The following SDK1 variants were observed in gnomAD, a reference collection of about 807,000 sequenced individuals.
SDK1 encodes the protein sidekick cell adhesion molecule 1, also known as protein sidekick-1.
Under a neutral mutation model 245.5 loss-of-function variants are expected in SDK1, and 157 were observed. The observed-to-expected ratio is 0.64, with a 90% CI of 0.56 to 0.73. The LOEUF is 0.73. SDK1 is among the 30% of genes least tolerant of loss of function. The probability of loss-of-function intolerance (pLI) is 0.00; values close to 1 mark genes in which losing one functional copy is unlikely to be tolerated. For synonymous variants in SDK1, 1,647 were observed against 1,278.5 expected, an observed-to-expected ratio of 1.29 and a Z score of -6.15; for missense variants, 3,583 against 3,002.3, an observed-to-expected ratio of 1.19 and a Z score of -4.52.
At chr7:4,028,786 G>A (rs1787562097) in intron 17 of SDK1, among the ~76,000 whole-genome samples, 1 of 152,154 alleles carries the variant, frequency 6.6e-6, no homozygotes, top group Admixed American at 6.5e-5. Context: ...TTAAACACGG[G>A]ATTTTGTTGT....
At chr7:3,811,116 A>G (rs1447009843) in intron 4 of SDK1, among the ~76,000 whole-genome samples, 1 of 152,248 alleles carries the variant, frequency 6.6e-6, no homozygotes, top group East Asian at 1.9e-4. Flanking sequence ...GACTTAGCGT[A>G]CATGGAATTT....
At chr7:3,382,156 A>G (rs1418117345) in intron 1 of SDK1, among the ~76,000 whole-genome samples, 2 of 151,354 alleles carry the variant, frequency 1.3e-5, no homozygotes, top group East Asian at 3.9e-4. Context: ...TTTTGTGTAG[A>G]GACAGGGTCT....
At chr7:3,557,711 G>A (rs146187587) in intron 1 of SDK1, among the ~76,000 whole-genome samples, 80 of 152,230 alleles carry the variant, frequency 5.3e-4, no homozygotes, top group African/African-American at 1.8e-3. Context: ...GAATCTCTTT[G>A]TATTACATCC....
chr7:3,857,788 T>G (rs925137605), intron 5 of SDK1, among the ~76,000 whole-genome samples: 1 of 152,196 alleles, frequency 6.6e-6, no homozygotes, highest in Non-Finnish European at 1.5e-5. Context: ...GGAAAAATTC[T>G]TTTTCCTGTT....
At chr7:3,968,623 AC>A (rs1294393185) in intron 10 of SDK1, among the ~76,000 whole-genome samples, 1 of 152,236 alleles carries the variant, frequency 6.6e-6, no homozygotes, top group Admixed American at 6.5e-5. Context: ...TATAAAGAAA[AC>A]TAAAAACCGA....
In SDK1 at chr7:3,315,646, T is replaced by G. The variant is rs147171653; in HGVS notation, c.298+13762T>G. On this transcript the variant is annotated intron_variant, in intron 1 of 44. Coordinates refer to ENST00000404826, the MANE Select transcript of SDK1 (RefSeq NM_152744.4). ...AATGTGCTTATCTCTGTTATAGGGA[T>G]TTCTCTTTTTTTCCTGAATGTTCTA... Among the ~76,000 whole-genome samples, 971 of 152,324 alleles carry G rather than the reference T, an allele frequency of 6.4e-3. 12 individuals carry two copies. The highest frequency in any genetic ancestry group is 0.022 in the African/African-American group (922 of 41,562).
chr7:4,112,727 T>C (rs927469357), intron 23 of SDK1, among the ~76,000 whole-genome samples: 5 of 151,826 alleles, frequency 3.3e-5, no homozygotes, highest in African/African-American at 1.2e-4. Context: ...TTGAAGTCTT[T>C]TAGGGGAAAA....
chr7:3,823,934 G>A (rs1309628326), intron 5 of SDK1, among the ~76,000 whole-genome samples: 1 of 149,016 alleles, frequency 6.7e-6, no homozygotes, highest in Non-Finnish European at 1.5e-5. Flanking sequence ...AACCAATTAT[G>A]CTTTTTTGTT....
chr7:3,856,481 TAAA>T (rs34024559), intron 5 of SDK1, among the ~76,000 whole-genome samples: 24 of 119,178 alleles, frequency 2.0e-4, no homozygotes, highest in Admixed American at 1.7e-4. Context: ...CAGGTAATGT[TAAA>T]AAAAAAAAAA....
intron 1 of SDK1, among the ~76,000 whole-genome samples, chr7:3,342,949 C>T (rs1397771027): frequency 2.0e-5 from 3 of 146,954 alleles, no homozygotes; most frequent in South Asian, 4.3e-4. Flanking sequence ...TATTACTAGC[C>T]ATTAGGGAAA....
At chr7:3,448,118 T>C (rs1331161429) in intron 1 of SDK1, among the ~76,000 whole-genome samples, 1 of 152,194 alleles carries the variant, frequency 6.6e-6, no homozygotes, top group African/African-American at 2.4e-5. Flanking sequence ...TATTAGTAGA[T>C]TTCTTTCCTA....
intron 35 of SDK1, among the ~76,000 whole-genome samples, chr7:4,187,525 C>G (rs1475641261): frequency 1.3e-5 from 2 of 152,176 alleles, no homozygotes. Context: ...TAAATCTTTC[C>G]TAGTTTATTA....
intron 1 of SDK1, among the ~76,000 whole-genome samples, chr7:3,476,901 G>C (rs1453250292): frequency 6.6e-6 from 1 of 152,176 alleles, no homozygotes; most frequent in African/African-American, 2.4e-5. Flanking sequence ...AGTAAGTGGG[G>C]AAAGAGGAAC....
chr7:3,468,794 C>G (rs1251927412), intron 1 of SDK1, among the ~76,000 whole-genome samples: 1 of 152,038 alleles, frequency 6.6e-6, no homozygotes, highest in Non-Finnish European at 1.5e-5. Flanking sequence ...GGACAACTTC[C>G]CTAGTATCTT....
intron 1 of SDK1, among the ~76,000 whole-genome samples, chr7:3,555,041 T>A (rs907249594): frequency 3.9e-5 from 6 of 152,124 alleles, no homozygotes; most frequent in African/African-American, 1.4e-4. Flanking sequence ...GCAATCCCTA[T>A]CAAAATACCC....
At chr7:3,531,181 C>T (rs1583130799) in intron 1 of SDK1, among the ~76,000 whole-genome samples, 1 of 152,162 alleles carries the variant, frequency 6.6e-6, no homozygotes, top group Admixed American at 6.5e-5. Context: ...ATAGGGTTTG[C>T]AGTTGATCTT....
rs2115038564 is a variant in SDK1, at chr7:3,804,002, G to C, written c.714-17448G>C. 1.3e-5 allele frequency among the ~76,000 whole-genome samples: 2 copies of C among 152,090 alleles called. 1 individual carries two copies. The highest frequency in any genetic ancestry group is 4.1e-4 in the South Asian group (2 of 4,830). On this transcript the variant is annotated intron_variant, in intron 4 of 44. Transcript: ENST00000404826. ...GATGGTCTCGATCTCCTGACCTCGT[G>C]ATCCACCTGCCTTGGCCTCCCAAAG...
intron 1 of SDK1, among the ~76,000 whole-genome samples, chr7:3,456,614 A>G (rs1780676642): frequency 6.6e-6 from 1 of 152,076 alleles, no homozygotes; most frequent in African/African-American, 2.4e-5. Context: ...TTTTTCCGAG[A>G]GAATACATAG....
intron 20 of SDK1, among the ~76,000 whole-genome samples, chr7:4,074,159 G>A (rs1337203518): frequency 5.3e-5 from 8 of 152,218 alleles, no homozygotes; most frequent in East Asian, 1.9e-4. Flanking sequence ...AAGAACAGAC[G>A]AAACGAGCTA....
Sources: gnomAD v4.1 joint callset for allele counts (sites outside exome capture counted in the v4.1 genomes callset) on GRCh38, gnomAD v4.1.1 for gene constraint, MANE v1.5 for transcripts, NCBI Gene and HGNC (gene_info 2026-07-23, HGNC 2026-07-21) for gene names.